MACF1: variants seen among roughly 807,000 people sequenced by gnomAD.
The protein encoded by MACF1 is microtubule-actin cross-linking factor 1.
A neutral mutation model predicts 854.8 loss-of-function variants in MACF1; 193 were observed. The observed-to-expected ratio is 0.23, with a 90% CI of 0.20 to 0.25. The LOEUF is 0.25. Ranked by LOEUF, MACF1 falls within the 10% of genes least tolerant of loss-of-function variation. The probability of loss-of-function intolerance (pLI) is 1.00; values close to 1 mark genes in which losing one functional copy is unlikely to be tolerated. For synonymous variants in MACF1, 3,185 were observed against 3,226.7 expected, an observed-to-expected ratio of 0.99 and a Z score of 0.44; for missense variants, 7,722 against 8,929.1, an observed-to-expected ratio of 0.86 and a Z score of 5.45.
intron 43 of MACF1, among the ~76,000 whole-genome samples, chr1:39,352,627 C>T (rs1376428756): frequency 6.6e-6 from 1 of 152,162 alleles, no homozygotes; most frequent in African/African-American, 2.4e-5. Context: ...AAACGATACT[C>T]GTGTCTCAGC....
At chr1:39,117,292 A>G (rs1042912074) in intron 2 of MACF1, among the ~76,000 whole-genome samples, 4 of 152,080 alleles carry the variant, frequency 2.6e-5, no homozygotes, top group Admixed American at 1.3e-4. Context: ...GGGCCAGCTC[A>G]GAATTGATGT....
chr1:39,374,101 G>A (rs531959999), intron 52 of MACF1, among the ~76,000 whole-genome samples: 1 of 151,980 alleles, frequency 6.6e-6, no homozygotes, highest in African/African-American at 2.4e-5. Flanking sequence ...AATTAGCCAG[G>A]CATGGTGGCT....
At chr1:39,180,398 T>C (rs192145186) in intron 2 of MACF1, among the ~76,000 whole-genome samples, 1 of 152,068 alleles carries the variant, frequency 6.6e-6, no homozygotes, top group Non-Finnish European at 1.5e-5. Context: ...GGTGGATCAC[T>C]TGGGGTCAGG....
At chr1:39,131,243 A>G (rs1475300687) in intron 2 of MACF1, among the ~76,000 whole-genome samples, 1 of 137,006 alleles carries the variant, frequency 7.3e-6, no homozygotes, top group Admixed American at 8.5e-5. Flanking sequence ...AACTCACTGT[A>G]ACCTTGAACT....
At chr1:39,166,627 A>T (rs2148215523) in intron 2 of MACF1, among the ~76,000 whole-genome samples, 1 of 151,074 alleles carries the variant, frequency 6.6e-6, no homozygotes, top group Non-Finnish European at 1.5e-5. Context: ...GATTTTTTGT[A>T]TTTTTAGTAG....
chr1:39,474,338 G>A (rs760690542), intron 97 of MACF1, among the ~76,000 whole-genome samples: 29 of 152,026 alleles, frequency 1.9e-4, no homozygotes, highest in Admixed American at 9.2e-4. Context: ...GCAGTGAGCC[G>A]AGACTATGCC....
chr1:39,251,494 T>A (rs1487767090), intron 3 of MACF1, among the ~76,000 whole-genome samples: 3 of 152,248 alleles, frequency 2.0e-5, no homozygotes, highest in Non-Finnish European at 4.4e-5. Flanking sequence ...TCCTAACCTT[T>A]GAAAACCTTT....
At chr1:39,393,196 A>AAAAAAAAAATACATATATATAT (rs57576149) in intron 58 of MACF1, among the ~76,000 whole-genome samples, 1 of 66,576 alleles carries the variant, frequency 1.5e-5, no homozygotes, top group South Asian at 4.2e-4. Flanking sequence ...AAAAAAAAAA[A>AAAAAAAAAATACATATATATAT]ATATATATAT....
At chr1:39,426,227 T>G (rs1396804958) in intron 61 of MACF1, among the ~76,000 whole-genome samples, 3 of 152,240 alleles carry the variant, frequency 2.0e-5, no homozygotes, top group Non-Finnish European at 4.4e-5. Flanking sequence ...AGTTTTAGAC[T>G]TAGATTGCCA....
intron 58 of MACF1, among the ~76,000 whole-genome samples, chr1:39,389,491 C>T (rs1204043467): frequency 6.6e-6 from 1 of 150,924 alleles, no homozygotes; most frequent in Non-Finnish European, 1.5e-5. Context: ...TCCCAAGTAG[C>T]TGGGGTTACA....
chr1:39,359,120 G>GT (rs759825367), intron 46 of MACF1, 21 bp from the exon 47 acceptor site: 161 of 1,612,872 alleles, frequency 1.0e-4, no homozygotes, highest in Non-Finnish European at 1.2e-4. Flanking sequence ...TTTTTCTTTT[G>GT]TTTTTTTCAT....
At chr1:39,384,612 A>G (rs1650526837) in intron 56 of MACF1, among the ~76,000 whole-genome samples, 1 of 152,244 alleles carries the variant, frequency 6.6e-6, no homozygotes, top group Admixed American at 6.5e-5. Flanking sequence ...AAGAAAAAAA[A>G]GCCATAGTCA....
Position 39,107,375 on chromosome 1 carries a change from G to A in MACF1, c.220+22937G>A, listed in dbSNP as rs144666649. On this transcript the variant is annotated intron_variant, in intron 2 of 93. Transcript: ENST00000361689. ...ACTCAGTTTGGCTTTCCTCTGAAGG[G>A]CCTTGATCAGGTGTATAGGAACTTA... Among the ~76,000 whole-genome samples, 5 of 152,160 alleles carry A rather than the reference G, an allele frequency of 3.3e-5. No homozygotes were observed. In the East Asian group the frequency reaches 9.7e-4, roughly 29 times the overall value.
intron 2 of MACF1, among the ~76,000 whole-genome samples, chr1:39,134,298 G>A (rs557654581): frequency 6.6e-5 from 10 of 151,364 alleles, no homozygotes; most frequent in African/African-American, 2.2e-4. Flanking sequence ...CGCCCACCTC[G>A]GCCTCCCAAA....
chr1:39,381,452 G>A (rs1396349372), intron 55 of MACF1, among the ~76,000 whole-genome samples: 3 of 144,988 alleles, frequency 2.1e-5, no homozygotes, highest in Non-Finnish European at 4.5e-5. Flanking sequence ...CTACAGCCTC[G>A]ACTTCCCTGG....
intron 58 of MACF1, chr1:39,414,411 G>C (rs1569972475): frequency 6.2e-7 from 1 of 1,613,986 alleles, no homozygotes; most frequent in East Asian, 2.2e-5. Flanking sequence ...GCATAAAAGA[G>C]GTGACCAGCA....
At chr1:39,342,271 G>A (rs574704863) in intron 40 of MACF1, among the ~76,000 whole-genome samples, 2 of 152,130 alleles carry the variant, frequency 1.3e-5, no homozygotes, top group African/African-American at 2.4e-5. Flanking sequence ...AAAATGTGGT[G>A]TCCACATTTT....
chr1:39,447,687 C>T lies in MACF1; in HGVS notation c.19762-5C>T, dbSNP rs574376898. On this transcript the variant is annotated splice_region_variant and splice_polypyrimidine_tract_variant and intron_variant, in intron 81 of 100. Coordinates refer to ENST00000564288, the MANE Select transcript of MACF1 (RefSeq NM_001394062.1). ...AGCTAAAAAAGAGCACTATTGTTCC[C>T]TCAGGTTTTTGCTAATGAAGTAAAT... 14 of 1,614,084 alleles carry T rather than the reference C, an allele frequency of 8.7e-6. No individual in the cohort carries two copies. The African/African-American group carries it at 1.5e-4, about 17-fold the overall frequency.
At chr1:39,425,079 C>G (rs977406096) in intron 61 of MACF1, among the ~76,000 whole-genome samples, 4 of 152,192 alleles carry the variant, frequency 2.6e-5, no homozygotes, top group Non-Finnish European at 5.9e-5. Context: ...TTTCTTTTCT[C>G]TCTGTCCATT....
Sources: allele counts gnomAD v4.1 joint callset (sites outside exome capture counted in the v4.1 genomes callset), GRCh38; gene constraint gnomAD v4.1.1; transcripts MANE v1.5; gene names NCBI Gene and HGNC (gene_info 2026-07-23, HGNC 2026-07-21).